PALD1: variants seen among roughly 807,000 people sequenced by gnomAD.
The protein encoded by PALD1 is phosphatase domain containing paladin 1.
A neutral mutation model predicts 96.0 loss-of-function variants in PALD1; 57 were observed. The observed-to-expected ratio is 0.59, with a 90% CI of 0.48 to 0.74. The LOEUF is 0.74. PALD1 is among the 30% of genes least tolerant of loss of function. PALD1 has a pLI of 0.00. For synonymous variants in PALD1, 464 were observed against 473.6 expected, an observed-to-expected ratio of 0.98 and a Z score of 0.26; for missense variants, 1,063 against 1,143.7, an observed-to-expected ratio of 0.93 and a Z score of 1.02.
intron 18 of PALD1, among the ~76,000 whole-genome samples, chr10:70,554,711 G>A (rs1847556517): frequency 6.6e-6 from 1 of 151,890 alleles, no homozygotes; most frequent in African/African-American, 2.4e-5. Context: ...CCTGGGCTTT[G>A]CCTGGTGACG....
the PALD1 span, among the ~76,000 whole-genome samples, chr10:70,458,688 C>T: frequency 6.6e-6 from 1 of 152,322 alleles, no homozygotes; most frequent in East Asian, 1.9e-4. Flanking sequence ...GAGACAGAGA[C>T]GCTCCGGCGC....
chr10:70,486,945 G>T (rs1480614578), intron 1 of PALD1, among the ~76,000 whole-genome samples: 1 of 152,014 alleles, frequency 6.6e-6, no homozygotes, highest in African/African-American at 2.4e-5. Flanking sequence ...CCAAGGCCTG[G>T]TGGGAATCTG....
the PALD1 span, among the ~76,000 whole-genome samples, chr10:70,460,116 C>T: frequency 6.6e-6 from 1 of 152,188 alleles, no homozygotes; most frequent in Non-Finnish European, 1.5e-5. Context: ...AGCTTTCGTG[C>T]GGCTAAGCTT....
At chr10:70,529,596 C>G (rs111737425) in intron 3 of PALD1, among the ~76,000 whole-genome samples, 7 of 152,292 alleles carry the variant, frequency 4.6e-5, no homozygotes, top group Admixed American at 2.0e-4. Flanking sequence ...TCTCCCTGCT[C>G]TTTCCTCCAG....
intron 18 of PALD1, among the ~76,000 whole-genome samples, chr10:70,550,630 C>T (rs1027752739): frequency 6.6e-6 from 1 of 152,170 alleles, no homozygotes; most frequent in East Asian, 1.9e-4. Context: ...CGCTAGCAAT[C>T]GCTTCCCCTC....
chr10:70,534,337 C>A, intron 8 of PALD1, 88 bp from the exon 9 acceptor site: 1 of 900,070 alleles, frequency 1.1e-6, no homozygotes, highest in Non-Finnish European at 1.8e-6. Context: ...CTGGTGTCCC[C>A]CAGCGGCCAT....
At chr10:70,498,618 T>C (rs1261155744) in intron 1 of PALD1, among the ~76,000 whole-genome samples, 1 of 151,948 alleles carries the variant, frequency 6.6e-6, no homozygotes, top group African/African-American at 2.4e-5. Context: ...AATTGTTCTT[T>C]TGAGCATATT....
chr10:70,523,291 C>A (rs911126295), intron 1 of PALD1, among the ~76,000 whole-genome samples: 1 of 152,162 alleles, frequency 6.6e-6, no homozygotes, highest in Non-Finnish European at 1.5e-5. Context: ...CCTGTGGGGA[C>A]GGGCCCTGAT....
At chr10:70,508,645 G>A (rs184340585) in intron 1 of PALD1, among the ~76,000 whole-genome samples, 3 of 152,202 alleles carry the variant, frequency 2.0e-5, no homozygotes, top group Non-Finnish European at 2.9e-5. Flanking sequence ...TTGTGACTGT[G>A]GGCAGGTCTC....
At chr10:70,551,489 A>G (rs546948137) in intron 18 of PALD1, among the ~76,000 whole-genome samples, 1 of 152,166 alleles carries the variant, frequency 6.6e-6, no homozygotes, top group South Asian at 2.1e-4. Context: ...ATGTTCTAGG[A>G]CCAGTCCACA....
upstream of PALD1, among the ~76,000 whole-genome samples, chr10:70,475,876 G>C (rs1342586972): frequency 5.3e-5 from 8 of 152,174 alleles, no homozygotes; most frequent in African/African-American, 1.9e-4. Flanking sequence ...GCAGCAGCTT[G>C]TCTGGTTTTG....
chr10:70,502,470 A>T (rs1846318590), intron 1 of PALD1, among the ~76,000 whole-genome samples: 1 of 150,302 alleles, frequency 6.7e-6, no homozygotes, highest in Non-Finnish European at 1.5e-5. Flanking sequence ...TTTCCTTTGG[A>T]TACATTGATA....
chr10:70,516,586 CA>C (rs1846624224), intron 1 of PALD1, among the ~76,000 whole-genome samples: 2 of 151,324 alleles, frequency 1.3e-5, no homozygotes. Flanking sequence ...GACAGAGTCT[CA>C]CTCTTGTCCA....
intron 17 of PALD1, among the ~76,000 whole-genome samples, chr10:70,546,030 AGT>A (rs1847354831): frequency 6.6e-6 from 1 of 151,832 alleles, no homozygotes; most frequent in Non-Finnish European, 1.5e-5. Context: ...TGAGGCCAGG[AGT>A]TCAAGACCAG....
chr10:70,558,510 C>T (rs139486220), intron 18 of PALD1, among the ~76,000 whole-genome samples: 5 of 152,242 alleles, frequency 3.3e-5, no homozygotes, highest in African/African-American at 9.6e-5. Flanking sequence ...CAAAAGCTCC[C>T]GTCCTCATGG....
At chr10:70,507,585 C>T (rs955344559) in intron 1 of PALD1, among the ~76,000 whole-genome samples, 1 of 152,168 alleles carries the variant, frequency 6.6e-6, no homozygotes, top group Admixed American at 6.5e-5. Context: ...CCTTGCCTGG[C>T]TAATTTTTGT....
chr10:70,509,550 C>T (rs979210653), intron 1 of PALD1, among the ~76,000 whole-genome samples: 4 of 152,204 alleles, frequency 2.6e-5, no homozygotes, highest in African/African-American at 9.7e-5. Context: ...ACCAGGCCAC[C>T]GGGGTCAGGG....
intron 1 of PALD1, among the ~76,000 whole-genome samples, chr10:70,511,872 C>T (rs10999364): frequency 0.16 from 23,799 of 152,000 alleles, 2,278 homozygotes; most frequent in Admixed American, 0.23. Context: ...ACTAAAAATA[C>T]AAAAATTAGC....
At chr10:70,538,211 G>C (rs769750555) in intron 11 of PALD1, 69 bp from the exon 12 acceptor site, 9 of 1,527,702 alleles carry the variant, frequency 5.9e-6, no homozygotes, top group Non-Finnish European at 7.2e-6. Flanking sequence ...CCCTGCCATG[G>C]TGTGGGCAGG....
Sources: gnomAD v4.1 joint callset for allele counts (sites outside exome capture counted in the v4.1 genomes callset) on GRCh38, gnomAD v4.1.1 for gene constraint, MANE v1.5 for transcripts, NCBI Gene and HGNC (gene_info 2026-07-23, HGNC 2026-07-21) for gene names.